The following LHPP variants were observed in gnomAD, a reference collection of about 807,000 sequenced individuals.
LHPP encodes hLHPP.
Under a neutral mutation model 30.3 loss-of-function variants are expected in LHPP, and 24 were observed. The ratio of observed to expected loss-of-function variants is 0.79; its 90% CI spans 0.57 to 1.11. The LOEUF (loss-of-function observed/expected upper bound fraction) is 1.11. Ranked by LOEUF, LHPP falls within the 50% of genes most tolerant of loss-of-function variation. LHPP has a pLI of 0.00. For synonymous variants in LHPP, 150 were observed against 157.1 expected (o/e 0.95, Z 0.34); for missense variants, 356 against 367.2 (o/e 0.97, Z 0.25).
intron 6 of LHPP, among the ~76,000 whole-genome samples, chr10:124,559,662 C>T (rs4246206): frequency 0.53 from 80,131 of 152,260 alleles, 21,867 homozygotes; most frequent in Non-Finnish European, 0.58. Flanking sequence ...GCGTATGTCA[C>T]GTAGGATAAT....
chr10:124,480,836 G>T (rs778443784), intron 1 of LHPP, among the ~76,000 whole-genome samples: 1 of 152,190 alleles, frequency 6.6e-6, no homozygotes, highest in Non-Finnish European at 1.5e-5. Flanking sequence ...TCACTATGTG[G>T]TCAGCAGATC....
intron 6 of LHPP, among the ~76,000 whole-genome samples, chr10:124,543,359 G>A (rs1201900375): frequency 2.0e-5 from 3 of 152,254 alleles, no homozygotes; most frequent in Admixed American, 6.5e-5. Flanking sequence ...GGGTCTGCCC[G>A]CATCCCACAG....
intron 6 of LHPP, among the ~76,000 whole-genome samples, chr10:124,525,544 G>A (rs1487493375): frequency 1.3e-5 from 2 of 152,198 alleles, no homozygotes; most frequent in East Asian, 1.9e-4. Flanking sequence ...TGGCAGTCCC[G>A]GACGCTGGGC....
At chr10:124,563,361 C>G (rs938713889) in intron 6 of LHPP, among the ~76,000 whole-genome samples, 7 of 122,328 alleles carry the variant, frequency 5.7e-5, no homozygotes, top group Admixed American at 2.8e-4. Context: ...AAAAAAGAAA[C>G]AAATTTGATA....
intron 1 of LHPP, among the ~76,000 whole-genome samples, chr10:124,470,473 C>T (rs576109400): frequency 1.1e-3 from 168 of 152,142 alleles, no homozygotes; most frequent in African/African-American, 3.8e-3. Context: ...TGGGTGCCTT[C>T]GGGATCCTGA....
At chr10:124,489,237 C>T (rs374259028) in intron 3 of LHPP, among the ~76,000 whole-genome samples, 37 of 152,312 alleles carry the variant, frequency 2.4e-4, no homozygotes, top group African/African-American at 5.8e-4. Context: ...TCCCACTGCA[C>T]GAGGAAAACA....
intron 1 of LHPP, among the ~76,000 whole-genome samples, chr10:124,466,676 C>T (rs377415236): frequency 4.0e-4 from 61 of 151,952 alleles, no homozygotes; most frequent in Middle Eastern, 3.4e-3. Flanking sequence ...AGGCTGGTTT[C>T]GAACTCCTGA....
intron 3 of LHPP, among the ~76,000 whole-genome samples, chr10:124,491,694 G>A (rs887498319): frequency 6.6e-6 from 1 of 152,204 alleles, no homozygotes; most frequent in African/African-American, 2.4e-5. Context: ...GGAGGACAAG[G>A]TGGGCAGATC....
chr10:124,513,177 C>T (rs1050556309), intron 5 of LHPP, among the ~76,000 whole-genome samples: 2 of 152,164 alleles, frequency 1.3e-5, no homozygotes, highest in Admixed American at 6.6e-5. Flanking sequence ...TCTCCTGCCT[C>T]AGCCTCCCAA....
intron 6 of LHPP, among the ~76,000 whole-genome samples, chr10:124,529,224 A>G (rs1450612187): frequency 6.6e-6 from 1 of 151,298 alleles, no homozygotes; most frequent in Middle Eastern, 3.4e-3. Context: ...TTTAGTAGAG[A>G]CGGGGTTTCA....
At chr10:124,595,197 G>C (rs948270356) in intron 6 of LHPP, among the ~76,000 whole-genome samples, 8 of 152,172 alleles carry the variant, frequency 5.3e-5, no homozygotes, top group Non-Finnish European at 1.0e-4. Flanking sequence ...GGCAGGGTTG[G>C]GGGGTGAACA....
chr10:124,465,366 A>T (rs1382498986), intron 1 of LHPP, among the ~76,000 whole-genome samples: 1 of 151,966 alleles, frequency 6.6e-6, no homozygotes, highest in Admixed American at 6.6e-5. Flanking sequence ...GTCAGTGAAG[A>T]CTCTAGATAG....
chr10:124,504,195 A>G (rs1454509312), intron 5 of LHPP, among the ~76,000 whole-genome samples: 1 of 151,962 alleles, frequency 6.6e-6, no homozygotes, highest in Non-Finnish European at 1.5e-5. Flanking sequence ...CTGTCTCAAA[A>G]AATAAAATAA....
At chr10:124,486,058 A>G (rs985865818) in intron 2 of LHPP, among the ~76,000 whole-genome samples, 1 of 152,236 alleles carries the variant, frequency 6.6e-6, no homozygotes, top group Non-Finnish European at 1.5e-5. Context: ...TCCCCTATAC[A>G]CTTCAGCATA....
At chr10:124,467,393 G>A (rs1324806800) in intron 1 of LHPP, among the ~76,000 whole-genome samples, 1 of 151,278 alleles carries the variant, frequency 6.6e-6, no homozygotes, top group Non-Finnish European at 1.5e-5. Flanking sequence ...GTGGAGAGGG[G>A]GCAGGGAGGG....
chr10:124,537,966 G>A (rs1397617549), intron 6 of LHPP, among the ~76,000 whole-genome samples: 3 of 152,238 alleles, frequency 2.0e-5, no homozygotes, highest in Non-Finnish European at 2.9e-5. Context: ...TGGGGGTTCG[G>A]TGGTGTCCTT....
intron 6 of LHPP, among the ~76,000 whole-genome samples, chr10:124,537,899 G>A (rs1403263644): frequency 1.3e-5 from 2 of 152,240 alleles, no homozygotes; most frequent in East Asian, 1.9e-4. Context: ...CAGGGCCCAC[G>A]AGTGTGCTGA....
At chr10:124,518,837 T>C (rs1954531319) in intron 6 of LHPP, among the ~76,000 whole-genome samples, 1 of 152,194 alleles carries the variant, frequency 6.6e-6, no homozygotes. Flanking sequence ...CAGCAAGGGT[T>C]GGTGCTTTTC....
intron 1 of LHPP, among the ~76,000 whole-genome samples, chr10:124,476,929 G>A (rs1444778971): frequency 1.3e-5 from 2 of 152,176 alleles, no homozygotes; most frequent in African/African-American, 2.4e-5. Context: ...TTTCAAGGCC[G>A]GGTGCCGGTG....
Sources: allele counts gnomAD v4.1 joint callset (sites outside exome capture counted in the v4.1 genomes callset), GRCh38; gene constraint gnomAD v4.1.1; transcripts MANE v1.5; gene names NCBI Gene and HGNC (gene_info 2026-07-23, HGNC 2026-07-21).